EBF1: variants seen among roughly 807,000 people sequenced by gnomAD.
The protein encoded by EBF1 is EBF transcription factor 1, also known as transcription factor COE1.
A neutral mutation model predicts 68.4 loss-of-function variants in EBF1; 10 were observed. The observed-to-expected ratio is 0.15, with a 90% confidence interval of 0.09 to 0.25. EBF1 has a LOEUF of 0.25. Among genes scored for constraint, EBF1 ranks in the 10% least tolerant of loss-of-function variants. EBF1 has a pLI of 1.00. For synonymous variants in EBF1, 298 were observed against 299.8 expected (o/e 0.99, Z 0.06); for missense variants, 509 against 794.4 (o/e 0.64, Z 4.32).
chr5:158,777,561 A>G (rs536172221), intron 9 of EBF1, 22 bp from the exon 10 acceptor site: 4 of 1,574,434 alleles, frequency 2.5e-6, no homozygotes, highest in Middle Eastern at 1.7e-4. Context: ...ATTTGGGGGG[A>G]AAAATTGTCA....
intron 6 of EBF1, among the ~76,000 whole-genome samples, chr5:158,856,591 A>G (rs914841376): frequency 2.7e-5 from 4 of 147,624 alleles, no homozygotes; most frequent in African/African-American, 9.9e-5. Flanking sequence ...AGGCTTTAGA[A>G]AAATAATAAT....
At chr5:159,030,202 C>G (rs1768497764) in intron 6 of EBF1, among the ~76,000 whole-genome samples, 1 of 151,988 alleles carries the variant, frequency 6.6e-6, no homozygotes. Context: ...TAGAAGTGCA[C>G]ATGAATTAAA....
chr5:158,705,590 A>G (rs942867275), intron 15 of EBF1, among the ~76,000 whole-genome samples: 14 of 152,232 alleles, frequency 9.2e-5, no homozygotes, highest in African/African-American at 3.4e-4. Flanking sequence ...CAAATGCACA[A>G]ACTTTGTATA....
chr5:158,751,887 T>C (rs1227014575), intron 10 of EBF1, among the ~76,000 whole-genome samples: 2 of 152,076 alleles, frequency 1.3e-5, no homozygotes, highest in Non-Finnish European at 2.9e-5. Flanking sequence ...AGGGTGCAAT[T>C]TCAGTTGAGC....
intron 7 of EBF1, among the ~76,000 whole-genome samples, chr5:158,827,732 G>A (rs1786505287): frequency 6.6e-6 from 1 of 152,184 alleles, no homozygotes; most frequent in South Asian, 2.1e-4. Flanking sequence ...TCAATCATGA[G>A]TGGAAGATCA....
rs1779057518 is a variant in EBF1, at chr5:158,793,505, T to C, written c.909+2840A>G. ...CCTCATTTTTTTTCTTTCTTTCCTC[T>C]TTCTGTCATTCTTCCCTCTCTCAAG... On this transcript the variant is annotated intron_variant, in intron 9 of 15. Coordinates refer to ENST00000313708, the MANE Select transcript of EBF1 (RefSeq NM_024007.5). Among the ~76,000 whole-genome samples the C allele has an allele frequency of 2.0e-5, 3 of 152,180 alleles. No individual in the cohort carries two copies. The South Asian group carries it at 6.2e-4, about 32-fold the overall frequency.
intron 5 of EBF1, among the ~76,000 whole-genome samples, chr5:159,076,591 A>G (rs1334155647): frequency 6.6e-6 from 1 of 152,160 alleles, no homozygotes; most frequent in Non-Finnish European, 1.5e-5. Flanking sequence ...AAAAGTAGAG[A>G]AAAAAGAATA....
intron 6 of EBF1, among the ~76,000 whole-genome samples, chr5:158,932,586 A>G (rs1811122290): frequency 6.6e-6 from 1 of 152,200 alleles, no homozygotes; most frequent in Non-Finnish European, 1.5e-5. Context: ...TAATTCAATA[A>G]TATGTCTTTT....
intron 6 of EBF1, among the ~76,000 whole-genome samples, chr5:158,903,255 A>G (rs1407657270): frequency 6.6e-6 from 1 of 152,212 alleles, no homozygotes; most frequent in African/African-American, 2.4e-5. Flanking sequence ...CACTGCCTAC[A>G]TGCATAAACA....
chr5:158,777,550 C>T lies in EBF1; in HGVS notation c.910-11G>A, dbSNP rs757299990. ...ATGAGGAGTGATCAACTGGAGGAGA[C>T]ATTTGGGGGGAAAAATTGTCATTGC... On this transcript the variant is annotated splice_polypyrimidine_tract_variant and intron_variant, in intron 9 of 15. Transcript: ENST00000313708. 6.3e-7 allele frequency: 1 copy of T among 1,586,278 alleles called. No individual in the cohort carries two copies. Among genetic ancestry groups the T allele is most frequent in the Non-Finnish European group, 8.6e-7 (1 of 1,165,426 alleles).
chr5:158,946,812 T>A (rs1202197084), intron 6 of EBF1, among the ~76,000 whole-genome samples: 1 of 152,148 alleles, frequency 6.6e-6, no homozygotes, highest in Non-Finnish European at 1.5e-5. Context: ...AGGTGCTCTG[T>A]CCCAGGGAGA....
At chr5:158,857,676 G>A (rs1281305376) in intron 6 of EBF1, among the ~76,000 whole-genome samples, 3 of 152,142 alleles carry the variant, frequency 2.0e-5, no homozygotes, top group Non-Finnish European at 4.4e-5. Flanking sequence ...TTGGGTAGCA[G>A]TTTTCCATAC....
intron 6 of EBF1, among the ~76,000 whole-genome samples, chr5:158,858,937 T>C (rs1443927618): frequency 1.3e-5 from 2 of 152,160 alleles, no homozygotes; most frequent in African/African-American, 2.4e-5. Context: ...GGCAGCTGTC[T>C]TGGCTCCTTA....
At chr5:159,095,192 G>C (rs140337034) in intron 4 of EBF1, among the ~76,000 whole-genome samples, 1 of 152,136 alleles carries the variant, frequency 6.6e-6, no homozygotes, top group Non-Finnish European at 1.5e-5. Flanking sequence ...TGGGGAAGCC[G>C]CCTCTGCCAC....
At chr5:158,864,356 C>A (rs1795492633) in intron 6 of EBF1, among the ~76,000 whole-genome samples, 1 of 151,812 alleles carries the variant, frequency 6.6e-6, no homozygotes, top group Non-Finnish European at 1.5e-5. Context: ...TCTTTCTTAC[C>A]TTTCTGCCAA....
At chr5:158,911,734 T>G (rs1806021973) in intron 6 of EBF1, among the ~76,000 whole-genome samples, 1 of 152,212 alleles carries the variant, frequency 6.6e-6, no homozygotes, top group Non-Finnish European at 1.5e-5. Context: ...CCACCACTCC[T>G]GTTATGATCC....
intron 6 of EBF1, among the ~76,000 whole-genome samples, chr5:158,945,062 G>A (rs1183595345): frequency 1.3e-5 from 2 of 152,162 alleles, no homozygotes; most frequent in Non-Finnish European, 2.9e-5. Context: ...CTGTGCAGAA[G>A]CTCTTTAGTT....
Position 158,720,507 on chromosome 5 carries a change from G to A in EBF1, c.1126-6325C>T, listed in dbSNP as rs142176067. Among the ~76,000 whole-genome samples the A allele has an allele frequency of 1.1e-4, 16 of 152,244 alleles. No individual in the cohort carries two copies. In the East Asian group the frequency reaches 3.1e-3, roughly 29 times the overall value. On this transcript the variant is annotated intron_variant, in intron 11 of 15. Coordinates refer to ENST00000313708, the MANE Select transcript of EBF1 (RefSeq NM_024007.5). ...AATCAGTATAATGAGGGCAGTGAGG[G>A]AAAGAGTAAAACAAACCAAAATAAC...
intron 6 of EBF1, among the ~76,000 whole-genome samples, chr5:158,960,476 CTGGAAATGATTAATAG>C (rs1340589116): frequency 6.6e-6 from 1 of 151,984 alleles, no homozygotes; most frequent in Non-Finnish European, 1.5e-5. Flanking sequence ...GACTCTAAAA[CTGGAAATGATTAATAG>C]ACTTAAGTAT....
Sources: allele counts gnomAD v4.1 joint callset (sites outside exome capture counted in the v4.1 genomes callset), GRCh38; gene constraint gnomAD v4.1.1; transcripts MANE v1.5; gene names NCBI Gene and HGNC (gene_info 2026-07-23, HGNC 2026-07-21).